Variants in AFF4 observed in about 807,000 individuals in gnomAD.
The protein encoded by AFF4 is AF4/FMR2 family member 4.
AFF4 carries 13 observed loss-of-function variants against 124.8 expected under a neutral mutation model. The ratio of observed to expected loss-of-function variants is 0.10; its 90% confidence interval spans 0.07 to 0.17. AFF4 has a LOEUF of 0.17. AFF4 is among the 10% of genes least tolerant of loss of function. The probability of loss-of-function intolerance (pLI) is 1.00; values close to 1 mark genes in which losing one functional copy is unlikely to be tolerated. For missense variants in AFF4, 1,092 were observed against 1,403.8 expected (o/e 0.78, Z 3.55); for synonymous variants, 477 against 496.1 (o/e 0.96, Z 0.51).
intron 2 of AFF4, among the ~76,000 whole-genome samples, chr5:132,936,379 A>C (rs1761432486): frequency 6.6e-6 from 1 of 151,972 alleles, no homozygotes; most frequent in Admixed American, 6.6e-5. Context: ...TCAATGTTAT[A>C]GTTAGAAGCA....
chr5:132,938,980 G>GAA (rs1192609238), intron 1 of AFF4, among the ~76,000 whole-genome samples: 22 of 78,896 alleles, frequency 2.8e-4, no homozygotes, highest in African/African-American at 8.8e-4. Context: ...TTAATGTTTA[G>GAA]AAAAAAAAAA....
chr5:132,917,061 C>T (rs1040464605), intron 5 of AFF4, among the ~76,000 whole-genome samples: 2 of 152,110 alleles, frequency 1.3e-5, no homozygotes, highest in Non-Finnish European at 2.9e-5. Context: ...GCTGGGATTA[C>T]AGCCATGTGC....
At chr5:132,939,386 T>C (rs10060215) in intron 1 of AFF4, among the ~76,000 whole-genome samples, 2 of 152,030 alleles carry the variant, frequency 1.3e-5, no homozygotes, top group East Asian at 3.8e-4. Flanking sequence ...TTTCAATCTT[T>C]AAAGAATACC....
Position 132,927,150 on chromosome 5 carries a change from C to G in AFF4, c.1021G>C (p.Glu341Gln), listed in dbSNP as rs1761190915. ...LTAIHTPCKT[E>Q]PSKFPFPTKE... is the part of the protein sequence containing the mutation. ...GTTGGAAAAGGAAATTTGGAAGGTT[C>G]TGTTTTGCATGGTGTATGAATAGCC... The change falls in exon 5 of 21, where the codon GAA becomes CAA. Residue 341 changes from glutamate (E) to glutamine (Q), a missense_variant. Physicochemically the swap from Glu to Gln is conservative, Grantham distance 29 (BLOSUM62 2). Around this residue, in one of 11 missense-constraint regions of AFF4, gnomAD observed 148 missense variants for 196.3 expected, o/e 0.75. Coordinates refer to ENST00000265343, the MANE Select transcript of AFF4 (RefSeq NM_014423.4). 6.2e-7 allele frequency: 1 copy of G among 1,612,372 alleles called. No individual in the cohort carries two copies. Among genetic ancestry groups the G allele is most frequent in the Non-Finnish European group, 8.5e-7 (1 of 1,179,530 alleles).
chr5:132,949,203 T>G (rs1761771265), intron 1 of AFF4, among the ~76,000 whole-genome samples: 1 of 149,088 alleles, frequency 6.7e-6, no homozygotes, highest in African/African-American at 2.5e-5. Context: ...AAAATCTTAT[T>G]TCTGCCTTTT....
intron 5 of AFF4, among the ~76,000 whole-genome samples, chr5:132,908,501 C>T (rs1296803020): frequency 2.0e-5 from 3 of 151,744 alleles, no homozygotes; most frequent in Admixed American, 1.3e-4. Flanking sequence ...ATTAGATTTC[C>T]ATGTTCCTTG....
intron 10 of AFF4, 103 bp from the exon 11 acceptor site, chr5:132,897,343 G>A: frequency 8.4e-7 from 1 of 1,189,212 alleles, no homozygotes; most frequent in Non-Finnish European, 1.2e-6. Context: ...AATGCCTAAT[G>A]CAACAAAAGC....
intron 1 of AFF4, among the ~76,000 whole-genome samples, chr5:132,951,657 A>C (rs367746554): frequency 4.3e-4 from 65 of 152,240 alleles, no homozygotes; most frequent in African/African-American, 1.4e-3. Flanking sequence ...CCTCCCAAGT[A>C]GCTGAGACTA....
chr5:132,918,115 G>A (rs181544539), intron 5 of AFF4, among the ~76,000 whole-genome samples: 129 of 152,106 alleles, frequency 8.5e-4, no homozygotes, highest in African/African-American at 2.7e-3. Flanking sequence ...AAACAGGGCC[G>A]GGTACTGTGG....
intron 1 of AFF4, among the ~76,000 whole-genome samples, chr5:132,955,793 A>ATAT (rs1386924435): frequency 6.0e-4 from 82 of 136,280 alleles, no homozygotes; most frequent in African/African-American, 2.3e-3. Flanking sequence ...AAAAAAAAAA[A>ATAT]AAATATATAT....
In AFF4 at chr5:132,880,188, T is replaced by A. The variant is rs1480745079; in HGVS notation, c.*871A>T. ...CTGTTTCGATTAAGTGTCAAATGATTAGCAACAAAAAATAACATATGGTTT... is the reference window on the plus strand; with the variant it reads ...CTGTTTCGATTAAGTGTCAAATGATAAGCAACAAAAAATAACATATGGTTT... On this transcript the variant is annotated 3_prime_UTR_variant, in exon 21 of 21. Transcript: ENST00000265343. The A allele has an allele frequency of 1.8e-5, 7 of 398,814 alleles. No homozygotes were observed. The highest frequency in any genetic ancestry group is 4.4e-5 in the Admixed American group (1 of 22,712). The allele number at this position is 398,814 out of a possible 1,614,324, so 24.7% of individuals were successfully genotyped here.
chr5:132,909,437 T>C (rs1023114727), intron 5 of AFF4, among the ~76,000 whole-genome samples: 1 of 152,186 alleles, frequency 6.6e-6, no homozygotes, highest in South Asian at 2.1e-4. Context: ...GCCACCACAA[T>C]AGGCCAACAT....
At chr5:132,944,704 C>T (rs866449442) in intron 1 of AFF4, among the ~76,000 whole-genome samples, 45 of 151,744 alleles carry the variant, frequency 3.0e-4, no homozygotes, top group African/African-American at 8.2e-4. Context: ...CTGAGGCAGG[C>T]GGACAACCTG....
intron 11 of AFF4, among the ~76,000 whole-genome samples, chr5:132,894,367 C>T (rs531490955): frequency 6.6e-6 from 1 of 152,190 alleles, no homozygotes; most frequent in African/African-American, 2.4e-5. Context: ...CATAGCACAG[C>T]CTAGTGACTC....
chr5:132,938,980 G>GA (rs1192609238), intron 1 of AFF4, among the ~76,000 whole-genome samples: 2,534 of 78,836 alleles, frequency 0.032, 62 homozygotes, highest in African/African-American at 0.086. Context: ...TTAATGTTTA[G>GA]AAAAAAAAAA....
In AFF4 at chr5:132,950,307, C is replaced by T. The variant is rs568026943; in HGVS notation, c.-5+12952G>A. Among the ~76,000 whole-genome samples the T allele has an allele frequency of 4.5e-3, 687 of 151,894 alleles. 4 individuals carry two copies. Among genetic ancestry groups the T allele is most frequent in the Non-Finnish European group, 5.1e-3 (348 of 67,970 alleles). Reference sequence around the variant, plus strand: ...CCTGACCAACATGGAGAAACCCCGTCTCTACTAAAAATACAAAATTAGCCA... The same window carrying T: ...CCTGACCAACATGGAGAAACCCCGTTTCTACTAAAAATACAAAATTAGCCA... On this transcript the variant is annotated intron_variant, in intron 1 of 20. Coordinates refer to ENST00000265343, the MANE Select transcript of AFF4 (RefSeq NM_014423.4).
At chr5:132,912,189 A>C (rs1190860654) in intron 5 of AFF4, among the ~76,000 whole-genome samples, 1 of 151,450 alleles carries the variant, frequency 6.6e-6, no homozygotes, top group Non-Finnish European at 1.5e-5. Flanking sequence ...AAAAAAAAAA[A>C]AAACATTTAG....
intron 2 of AFF4, among the ~76,000 whole-genome samples, 173 bp downstream of exon 2, chr5:132,936,894 A>G (rs1282309939): frequency 6.6e-6 from 1 of 152,216 alleles, no homozygotes; most frequent in African/African-American, 2.4e-5. Flanking sequence ...AGCATAATAT[A>G]CTCCAAAGAA....
intron 7 of AFF4, chr5:132,900,808 C>T: frequency 2.2e-6 from 2 of 928,944 alleles, no homozygotes; most frequent in Non-Finnish European, 2.6e-6. Flanking sequence ...AAAATTAATA[C>T]AAAGCTTAGG....
Sources: gnomAD v4.1 joint callset for allele counts (sites outside exome capture counted in the v4.1 genomes callset) on GRCh38, gnomAD v4.1.1 for gene constraint, gnomAD v4.1.1 regional missense constraint, MANE v1.5 for transcripts, NCBI Gene and HGNC (gene_info 2026-07-23, HGNC 2026-07-21) for gene names.